VPS54: variants seen among roughly 807,000 people sequenced by gnomAD.
VPS54 encodes VPS54 subunit of GARP complex, also known as vacuolar protein sorting-associated protein 54.
VPS54 carries 45 observed loss-of-function variants against 121.5 expected under a neutral mutation model. The ratio of observed to expected loss-of-function variants is 0.37; its 90% CI spans 0.29 to 0.47. VPS54 has a LOEUF of 0.47. Among genes scored for constraint, VPS54 ranks in the 20% least tolerant of loss-of-function variants. The pLI is 0.99. For missense variants in VPS54, 1,090 were observed against 1,131.4 expected, an observed-to-expected ratio of 0.96 and a Z score of 0.52; for synonymous variants, 371 against 385.8, an observed-to-expected ratio of 0.96 and a Z score of 0.45.
intron 1 of VPS54, among the ~76,000 whole-genome samples, chr2:64,013,723 G>GATAT (rs531676186): frequency 6.8e-6 from 1 of 146,132 alleles, no homozygotes; most frequent in South Asian, 2.1e-4. Flanking sequence ...CATATAGAGA[G>GATAT]ATATATATAT....
At chr2:63,977,668 T>C (rs187239956) in intron 3 of VPS54, among the ~76,000 whole-genome samples, 1 of 152,362 alleles carries the variant, frequency 6.6e-6, no homozygotes, top group East Asian at 1.9e-4. Flanking sequence ...AGTTCCCAGT[T>C]TGATCATTCC....
At chr2:63,920,054 G>A in intron 14 of VPS54, 59 bp from the exon 15 acceptor site, 7 of 1,406,868 alleles carry the variant, frequency 5.0e-6, no homozygotes, top group Non-Finnish European at 5.8e-6. Flanking sequence ...CATCTTCCTT[G>A]GTTTAAAAGA....
chr2:63,903,994 A>G (rs1234332457), intron 20 of VPS54, among the ~76,000 whole-genome samples: 4 of 152,294 alleles, frequency 2.6e-5, no homozygotes, highest in South Asian at 2.1e-4. Flanking sequence ...CATTCTGGGT[A>G]TAAGAAACTA....
intron 1 of VPS54, among the ~76,000 whole-genome samples, chr2:63,986,480 T>C (rs1677058591): frequency 6.6e-6 from 1 of 152,254 alleles, no homozygotes; most frequent in Admixed American, 6.5e-5. Flanking sequence ...ATTGTGTATA[T>C]GTACCACATT....
intron 11 of VPS54, among the ~76,000 whole-genome samples, chr2:63,935,552 A>G (rs1302742184): frequency 6.6e-6 from 1 of 152,124 alleles, no homozygotes; most frequent in Non-Finnish European, 1.5e-5. Context: ...TTAAAATAAA[A>G]AGACATGACA....
chr2:63,906,524 A>G (rs1022086041), intron 20 of VPS54, among the ~76,000 whole-genome samples: 4 of 152,218 alleles, frequency 2.6e-5, no homozygotes, highest in African/African-American at 9.6e-5. Flanking sequence ...GTAAGGAGTA[A>G]AGAGATAGGT....
At chr2:63,893,760 T>TA (rs1011806268) in intron 22 of VPS54, among the ~76,000 whole-genome samples, 14 of 152,202 alleles carry the variant, frequency 9.2e-5, no homozygotes, top group African/African-American at 2.4e-4. Context: ...CAATGGCTGT[T>TA]AGAGTCAGTT....
intron 1 of VPS54, among the ~76,000 whole-genome samples, chr2:63,984,962 A>AAAAAC (rs1440971443): frequency 9.2e-5 from 14 of 152,334 alleles, no homozygotes; most frequent in Admixed American, 7.2e-4. Context: ...ACAAGTCTAA[A>AAAAAC]AAAACAAAAC....
intron 20 of VPS54, among the ~76,000 whole-genome samples, chr2:63,905,477 G>A (rs1672864826): frequency 6.6e-6 from 1 of 151,410 alleles, no homozygotes; most frequent in Non-Finnish European, 1.5e-5. Context: ...CTTCCAAAGT[G>A]TACTCAAGTA....
intron 8 of VPS54, among the ~76,000 whole-genome samples, chr2:63,948,641 T>G (rs918039821): frequency 2.0e-5 from 3 of 152,052 alleles, no homozygotes; most frequent in Non-Finnish European, 4.4e-5. Flanking sequence ...GCTCAAGCAA[T>G]CTTCCCACCT....
At chr2:64,010,001 C>T (rs554372772) in intron 1 of VPS54, among the ~76,000 whole-genome samples, 1 of 152,138 alleles carries the variant, frequency 6.6e-6, no homozygotes, top group African/African-American at 2.4e-5. Flanking sequence ...GTCACCTTGC[C>T]TGCCTAATTT....
At chr2:63,913,358 C>G in intron 17 of VPS54, 48 bp from the exon 18 acceptor site, 2 of 1,401,990 alleles carry the variant, frequency 1.4e-6, no homozygotes, top group South Asian at 1.3e-5. Context: ...AAAAACTGTT[C>G]TTTATATCCT....
chr2:63,943,706 CT>C (rs559024854), intron 10 of VPS54, among the ~76,000 whole-genome samples: 2 of 95,752 alleles, frequency 2.1e-5, no homozygotes, highest in Non-Finnish European at 4.3e-5. Flanking sequence ...AGGAATTTTT[CT>C]TTTCTTTCTT....
At chr2:63,915,489 T>C (rs1415690897) in intron 16 of VPS54, among the ~76,000 whole-genome samples, 4 of 152,230 alleles carry the variant, frequency 2.6e-5, no homozygotes, top group Non-Finnish European at 4.4e-5. Context: ...CATGAGTCCA[T>C]TGCTTATCTT....
At chr2:63,903,658 CAT>C (rs1439151524) in intron 20 of VPS54, among the ~76,000 whole-genome samples, 4 of 151,972 alleles carry the variant, frequency 2.6e-5, no homozygotes, top group African/African-American at 9.7e-5. Flanking sequence ...GGTATCCTGT[CAT>C]AAAGTTCTTA....
intron 3 of VPS54, among the ~76,000 whole-genome samples, chr2:63,973,191 T>C (rs1676365249): frequency 6.6e-6 from 1 of 152,158 alleles, no homozygotes; most frequent in Non-Finnish European, 1.5e-5. Context: ...TTGTCAACAT[T>C]TGGTGTTGTC....
At chr2:63,967,004 ATACT>A (rs1248794256) in intron 5 of VPS54, among the ~76,000 whole-genome samples, 1 of 152,222 alleles carries the variant, frequency 6.6e-6, no homozygotes, top group Non-Finnish European at 1.5e-5. Context: ...TATATCATGC[ATACT>A]TAATTATTTA....
chr2:63,973,837 C>T (rs1264404822), intron 3 of VPS54, among the ~76,000 whole-genome samples: 3 of 152,196 alleles, frequency 2.0e-5, no homozygotes, highest in Non-Finnish European at 4.4e-5. Flanking sequence ...TAAGCCACCA[C>T]ACCTGACCAC....
Position 63,920,518 on chromosome 2 carries a change from A to G in VPS54, c.1979T>C (p.Leu660Ser). 1 of 1,592,210 alleles carries G rather than the reference A, an allele frequency of 6.3e-7. No individual in the cohort carries two copies. Among genetic ancestry groups the G allele is most frequent in the African/African-American group, 1.4e-5 (1 of 73,170 alleles). Reference protein sequence around the residue: ...EQICGRKSTSLLGALQSQAIK... With the variant: ...EQICGRKSTSSLGALQSQAIK... The stretch of plus-strand genomic sequence containing the variant: ...AGCTTGGCTCTGAAGTGCTCCAAGT[A>G]ATGACGTGCTTTTTCTTCCACAGAT... Residue 660 changes from leucine (L) to serine (S), a missense_variant, in exon 14 of 23, where the codon TTA becomes TCA. By Grantham distance (145) the Leu-to-Ser change is moderately radical. Coordinates refer to ENST00000272322, the MANE Select transcript of VPS54 (RefSeq NM_016516.3).
Sources: allele counts gnomAD v4.1 joint callset (sites outside exome capture counted in the v4.1 genomes callset), GRCh38; gene constraint gnomAD v4.1.1; transcripts MANE v1.5; gene names NCBI Gene and HGNC (gene_info 2026-07-23, HGNC 2026-07-21).